Variants in BZW2 observed in about 807,000 individuals in gnomAD.
BZW2 encodes the protein basic leucine zipper and W2 domains 2.
A neutral mutation model predicts 53.2 loss-of-function variants in BZW2; 23 were observed. That is an observed-to-expected ratio of 0.43 (90% confidence interval 0.31 to 0.61). The LOEUF is 0.61. Among genes scored for constraint, BZW2 ranks in the 20% least tolerant of loss-of-function variants. BZW2 has a pLI of 0.09. For synonymous variants in BZW2, 227 were observed against 186.4 expected (o/e 1.22, Z -1.77); for missense variants, 409 against 503.1 (o/e 0.81, Z 1.79).
At chr7:16,703,599 TAATA>T in intron 10 of BZW2, among the ~76,000 whole-genome samples, 1 of 152,192 alleles carries the variant, frequency 6.6e-6, no homozygotes, top group East Asian at 1.9e-4. Context: ...TCGGGGACAA[TAATA>T]AATGCTTTGT....
chr7:16,674,191 C>G (rs753187652), intron 2 of BZW2, among the ~76,000 whole-genome samples: 5 of 152,180 alleles, frequency 3.3e-5, no homozygotes, highest in African/African-American at 9.7e-5. Context: ...TGAGCCACCG[C>G]GCCCGGCCTA....
At chr7:16,691,224 A>G (rs1157333807) in intron 7 of BZW2, among the ~76,000 whole-genome samples, 1 of 152,166 alleles carries the variant, frequency 6.6e-6, no homozygotes, top group Non-Finnish European at 1.5e-5. Flanking sequence ...TGTGCTGGGC[A>G]TGGTACCACA....
chr7:16,650,819 C>T (rs1056495475), intron 1 of BZW2, among the ~76,000 whole-genome samples: 2 of 152,150 alleles, frequency 1.3e-5, no homozygotes, highest in Non-Finnish European at 2.9e-5. Context: ...GAATGATTTG[C>T]CCCGTTCTAA....
At chr7:16,695,086 A>G (rs1436040037) in intron 8 of BZW2, 82 bp downstream of exon 8, 1 of 1,329,932 alleles carries the variant, frequency 7.5e-7, no homozygotes, top group Non-Finnish European at 1.0e-6. Flanking sequence ...GCTTTCCTTA[A>G]CAAGTCTGTC....
chr7:16,653,367 A>G (rs1195280294), intron 1 of BZW2, among the ~76,000 whole-genome samples: 1 of 152,080 alleles, frequency 6.6e-6, no homozygotes, highest in African/African-American at 2.4e-5. Context: ...ACACTCTTTT[A>G]CTTTAATAAC....
At chr7:16,650,101 T>G (rs1781949887) in intron 1 of BZW2, among the ~76,000 whole-genome samples, 1 of 152,232 alleles carries the variant, frequency 6.6e-6, no homozygotes, top group African/African-American at 2.4e-5. Context: ...ATTATTCATT[T>G]AAGTGTTAAA....
chr7:16,679,462 A>G (rs913598528), intron 3 of BZW2, among the ~76,000 whole-genome samples: 5 of 152,290 alleles, frequency 3.3e-5, no homozygotes, highest in Admixed American at 6.5e-5. Context: ...GTGAAAATAG[A>G]CTCTTGAAGG....
intron 10 of BZW2, among the ~76,000 whole-genome samples, chr7:16,698,718 G>T (rs1331011556): frequency 5.9e-5 from 9 of 152,086 alleles, no homozygotes; most frequent in Non-Finnish European, 1.2e-4. Context: ...GGATTAGGTT[G>T]CTATGACAAC....
chr7:16,674,110 G>A (rs1782693571), intron 2 of BZW2, among the ~76,000 whole-genome samples: 2 of 152,118 alleles, frequency 1.3e-5, no homozygotes, highest in African/African-American at 4.8e-5. Flanking sequence ...GTTTTGGCGA[G>A]GCTGGTCTCG....
At chr7:16,704,396 A>T in intron 10 of BZW2, 151 bp from the exon 11 acceptor site, 1 of 730,720 alleles carries the variant, frequency 1.4e-6, no homozygotes, top group Non-Finnish European at 2.0e-6. Flanking sequence ...GCACTATGCT[A>T]CATGAAAATC....
At chr7:16,687,109 C>G (rs555030537) in intron 6 of BZW2, 1 of 151,938 alleles carries the variant, frequency 6.6e-6, no homozygotes, top group African/African-American at 2.4e-5. Flanking sequence ...TTTTTAAAAA[C>G]CTAAGTGATG....
intron 2 of BZW2, among the ~76,000 whole-genome samples, chr7:16,666,763 G>T (rs1373398295): frequency 6.6e-6 from 1 of 151,948 alleles, no homozygotes; most frequent in Non-Finnish European, 1.5e-5. Context: ...CAACCTCCTG[G>T]GCTCCAGTGC....
intron 1 of BZW2, among the ~76,000 whole-genome samples, chr7:16,654,036 C>A (rs1562474382): frequency 7.7e-6 from 1 of 129,518 alleles, no homozygotes; most frequent in African/African-American, 3.1e-5. Context: ...CACTTGAGGC[C>A]AGGAGTTCGA....
At chr7:16,695,617 CT>C (rs568965683) in intron 8 of BZW2, among the ~76,000 whole-genome samples, 3 of 152,138 alleles carry the variant, frequency 2.0e-5, no homozygotes, top group East Asian at 1.9e-4. Flanking sequence ...ATGACTATAT[CT>C]TTTTTTTATT....
chr7:16,662,826 G>T (rs1442305589), intron 1 of BZW2, among the ~76,000 whole-genome samples: 1 of 152,018 alleles, frequency 6.6e-6, no homozygotes, highest in Non-Finnish European at 1.5e-5. Context: ...AAAGAAAGAA[G>T]AAAAACATCT....
At chr7:16,660,530 C>T (rs1015355851) in intron 1 of BZW2, among the ~76,000 whole-genome samples, 2 of 151,740 alleles carry the variant, frequency 1.3e-5, no homozygotes, top group African/African-American at 4.8e-5. Flanking sequence ...GAAATTTGTG[C>T]AGACTACTCT....
intron 8 of BZW2, among the ~76,000 whole-genome samples, chr7:16,696,695 G>A (rs1783502476): frequency 6.6e-6 from 1 of 151,466 alleles, no homozygotes; most frequent in Non-Finnish European, 1.5e-5. Context: ...CCTGGCCAGA[G>A]CTAAGCCTAT....
In BZW2 at chr7:16,665,352, T is replaced by C. The variant is rs1220393394; in HGVS notation, c.-7-85T>C. ...ATTCAGTAATGAGTGAGGTTGAACA[T>C]ATGTTCAACCAAACTTATTGGCCAT... On this transcript the variant is annotated intron_variant, in intron 1 of 11. Transcript: ENST00000258761. 5 of 1,505,000 alleles carry C rather than the reference T, an allele frequency of 3.3e-6. No homozygotes were observed. The African/African-American group carries it at 6.9e-5, about 21-fold the overall frequency. 93.2% of individuals were successfully genotyped at this position (1,505,000 alleles called of 1,614,324 possible).
At chr7:16,680,968 G>A (rs818507) in intron 3 of BZW2, among the ~76,000 whole-genome samples, 10,875 of 152,076 alleles carry the variant, frequency 0.072, 1,043 homozygotes, top group African/African-American at 0.22. Flanking sequence ...GCCAGGCATG[G>A]TGGTGCATGC....
Sources: gnomAD v4.1 joint callset for allele counts (sites outside exome capture counted in the v4.1 genomes callset) on GRCh38, gnomAD v4.1.1 for gene constraint, MANE v1.5 for transcripts, NCBI Gene and HGNC (gene_info 2026-07-23, HGNC 2026-07-21) for gene names.